Variants in GRIN2B observed in about 807,000 individuals in gnomAD.
GRIN2B encodes glutamate receptor ionotropic, NMDA 2B.
A neutral mutation model predicts 114.5 loss-of-function variants in GRIN2B; 5 were observed. The observed-to-expected ratio is 0.04, with a 90% confidence interval of 0.02 to 0.09. The LOEUF (loss-of-function observed/expected upper bound fraction) is 0.09, where lower values mean the gene tolerates loss of function less well. Among genes scored for constraint, GRIN2B ranks in the 10% least tolerant of loss-of-function variants. The probability of loss-of-function intolerance (pLI) is 1.00; values close to 1 mark genes in which losing one functional copy is unlikely to be tolerated. For missense variants in GRIN2B, 1,108 were observed against 1,943.5 expected (o/e 0.57, Z 8.08); for synonymous variants, 787 against 745.1 (o/e 1.06, Z -0.92).
chr12:13,974,472 G>A (rs898477414), intron 2 of GRIN2B, among the ~76,000 whole-genome samples: 4 of 152,172 alleles, frequency 2.6e-5, no homozygotes, highest in Non-Finnish European at 4.4e-5. Flanking sequence ...TTCCTGTGTT[G>A]TTCTTTTCCT....
chr12:13,612,288 A>G (rs568874702), intron 8 of GRIN2B, among the ~76,000 whole-genome samples: 106 of 152,360 alleles, frequency 7.0e-4, no homozygotes, highest in African/African-American at 2.4e-3. Context: ...AGTCTTTCTC[A>G]ACAGACCTAC....
At chr12:13,692,523 A>C (rs1398339144) in intron 4 of GRIN2B, among the ~76,000 whole-genome samples, 1 of 151,684 alleles carries the variant, frequency 6.6e-6, no homozygotes, top group African/African-American at 2.4e-5. Context: ...TTCTCCAGTT[A>C]CTCTGGTTTC....
intron 4 of GRIN2B, among the ~76,000 whole-genome samples, chr12:13,715,107 G>A (rs182252784): frequency 5.3e-5 from 8 of 151,908 alleles, no homozygotes; most frequent in African/African-American, 1.4e-4. Context: ...TAGTTATGAC[G>A]ATGATGTATG....
intron 5 of GRIN2B, among the ~76,000 whole-genome samples, chr12:13,630,691 C>T (rs1949608871): frequency 6.6e-6 from 1 of 152,088 alleles, no homozygotes; most frequent in African/African-American, 2.4e-5. Flanking sequence ...ATAAGTGACC[C>T]CCTGGAGACC....
At chr12:13,738,919 A>T (rs1282208790) in intron 4 of GRIN2B, among the ~76,000 whole-genome samples, 1 of 152,188 alleles carries the variant, frequency 6.6e-6, no homozygotes, top group African/African-American at 2.4e-5. Flanking sequence ...CTTCTCAGGA[A>T]ATTTTAACAT....
At chr12:13,822,623 A>C (rs1175222029) in intron 3 of GRIN2B, among the ~76,000 whole-genome samples, 1 of 152,160 alleles carries the variant, frequency 6.6e-6, no homozygotes, top group African/African-American at 2.4e-5. Context: ...GTTAAGTCTC[A>C]TAAAACCATA....
chr12:13,879,722 G>C (rs1866042743), intron 2 of GRIN2B, among the ~76,000 whole-genome samples: 1 of 152,212 alleles, frequency 6.6e-6, no homozygotes, highest in Non-Finnish European at 1.5e-5. Context: ...GAATGGCAAG[G>C]GGGACAGGCC....
At chr12:13,877,919 C>T (rs1414646495) in intron 2 of GRIN2B, among the ~76,000 whole-genome samples, 1 of 151,840 alleles carries the variant, frequency 6.6e-6, no homozygotes, top group Non-Finnish European at 1.5e-5. Flanking sequence ...AAAAAATTAG[C>T]TGGGGGTAGT....
At chr12:13,828,825 C>G (rs1230520180) in intron 3 of GRIN2B, among the ~76,000 whole-genome samples, 2 of 152,168 alleles carry the variant, frequency 1.3e-5, no homozygotes, top group African/African-American at 4.8e-5. Flanking sequence ...ATGTTCAAAT[C>G]AGATCATATA....
chr12:13,625,369 T>C (rs982774924), intron 5 of GRIN2B, among the ~76,000 whole-genome samples: 2 of 152,134 alleles, frequency 1.3e-5, no homozygotes, highest in African/African-American at 4.8e-5. Context: ...GTCTAAAGGA[T>C]TCATGGCAAG....
intron 3 of GRIN2B, among the ~76,000 whole-genome samples, chr12:13,763,059 A>G (rs2099362051): frequency 2.0e-5 from 3 of 152,100 alleles, no homozygotes; most frequent in Admixed American, 1.3e-4. Flanking sequence ...TCCTCCATCT[A>G]AAAGAGGCAA....
chr12:13,906,672 C>T (rs1013977180), intron 2 of GRIN2B, among the ~76,000 whole-genome samples: 1 of 152,174 alleles, frequency 6.6e-6, no homozygotes, highest in Non-Finnish European at 1.5e-5. Flanking sequence ...CACTTCATGT[C>T]TTACATTAAT....
chr12:13,918,787 A>C (rs1866774057), intron 2 of GRIN2B, among the ~76,000 whole-genome samples: 2 of 152,238 alleles, frequency 1.3e-5, no homozygotes, highest in African/African-American at 4.8e-5. Context: ...TTGTAGTTTC[A>C]AAAATGAATG....
chr12:13,837,646 C>A (rs2136710772), intron 3 of GRIN2B, among the ~76,000 whole-genome samples: 1 of 152,230 alleles, frequency 6.6e-6, no homozygotes, highest in African/African-American at 2.4e-5. Flanking sequence ...CCAGCAAAAC[C>A]AATTTTGACT....
chr12:13,759,666 C>G (rs1015674201), intron 3 of GRIN2B, among the ~76,000 whole-genome samples: 1 of 152,212 alleles, frequency 6.6e-6, no homozygotes, highest in Non-Finnish European at 1.5e-5. Flanking sequence ...ATTTGATGTT[C>G]TTCATCCAAT....
chr12:13,743,184 G>A (rs532702976), intron 4 of GRIN2B, among the ~76,000 whole-genome samples: 5 of 152,274 alleles, frequency 3.3e-5, no homozygotes, highest in South Asian at 2.1e-4. Flanking sequence ...TGCTTTGAGC[G>A]ACACTCTGTA....
At chr12:13,700,588 C>G (rs964909716) in intron 4 of GRIN2B, among the ~76,000 whole-genome samples, 6 of 152,060 alleles carry the variant, frequency 3.9e-5, no homozygotes, top group African/African-American at 1.4e-4. Context: ...AGTGGAAAGG[C>G]CCACATGGAA....
In GRIN2B at chr12:13,601,072, G is replaced by A. The variant is rs567027631; in HGVS notation, c.2010+7531C>T. ...GCTGGGAGACTGACAATGCAAATCG[G>A]GACAAAGAGGAGAAGCACTGAAGTC... On this transcript the variant is annotated intron_variant, in intron 10 of 13. Coordinates refer to ENST00000609686, the MANE Select transcript of GRIN2B (RefSeq NM_000834.5). 5.9e-5 allele frequency among the ~76,000 whole-genome samples: 9 copies of A among 152,292 alleles called. No homozygotes were observed. The South Asian group carries it at 1.9e-3, about 32-fold the overall frequency.
chr12:13,564,095 C>T lies in GRIN2B; in HGVS notation c.3143G>A (p.Arg1048His), dbSNP rs199857445. 3.1e-6 allele frequency: 5 copies of T among 1,614,164 alleles called. No homozygotes were observed. In the South Asian group the frequency reaches 3.3e-5, roughly 11 times the overall value. ...LYGKFSFKSD[R>H]YSGHDDLIRS... ...GATCAAGTCGTCGTGGCCACTGTAG[C>T]GGTCGCTCTTGAAGGAGAATTTGCC... The change falls in exon 14 of 14, where the codon CGC becomes CAC. Residue 1048 changes from arginine to histidine, a missense_variant. Physicochemically the swap from Arg to His is conservative, Grantham distance 29. Around this residue, in one of 19 missense-constraint regions of GRIN2B, gnomAD observed 140 missense variants for 187.5 expected, o/e 0.75. Coordinates refer to ENST00000609686, the MANE Select transcript of GRIN2B (RefSeq NM_000834.5). The surrounding 1 kb of genome is among the most constrained non-coding windows in gnomAD (Gnocchi z 4.8).
Sources: allele counts gnomAD v4.1 joint callset (sites outside exome capture counted in the v4.1 genomes callset), GRCh38; gene constraint gnomAD v4.1.1; regional missense constraint gnomAD v4.1.1; non-coding constraint Gnocchi (gnomAD v3.1); transcripts MANE v1.5; gene names NCBI Gene and HGNC (gene_info 2026-07-23, HGNC 2026-07-21).